Variants in RHOU observed in about 807,000 individuals in gnomAD.
The protein encoded by RHOU is rho-related GTP-binding protein RhoU.
RHOU carries 8 observed loss-of-function variants against 12.6 expected under a neutral mutation model. The ratio of observed to expected loss-of-function variants is 0.64; its 90% CI spans 0.37 to 1.15. RHOU has a LOEUF of 1.15. Ranked by LOEUF, RHOU falls within the 50% of genes most tolerant of loss-of-function variation. The pLI, the probability that RHOU is intolerant of heterozygous loss-of-function variation, is 0.01. For missense variants in RHOU, 258 were observed against 347.0 expected, an observed-to-expected ratio of 0.74 and a Z score of 2.04; for synonymous variants, 161 against 147.4, an observed-to-expected ratio of 1.09 and a Z score of -0.67.
chr1:228,736,086 G>A, intron 1 of RHOU, 82 bp downstream of exon 1: 1 of 1,405,920 alleles, frequency 7.1e-7, no homozygotes, highest in Non-Finnish European at 9.5e-7. Context: ...GGGTCGCGAG[G>A]TTCCCAAGGG....
chr1:228,700,242 T>C, the RHOU span, among the ~76,000 whole-genome samples: 80 of 152,362 alleles, frequency 5.3e-4, no homozygotes, highest in African/African-American at 1.9e-3. Context: ...TAATTTGACT[T>C]GAACAATGGA....
the RHOU span, among the ~76,000 whole-genome samples, chr1:228,729,605 G>A: frequency 6.6e-6 from 1 of 152,152 alleles, no homozygotes; most frequent in Non-Finnish European, 1.5e-5. Context: ...CACTTGAAAG[G>A]GAGCTGCCTT....
chr1:228,658,374 G>A, the RHOU span, among the ~76,000 whole-genome samples: 1 of 151,634 alleles, frequency 6.6e-6, no homozygotes, highest in African/African-American at 2.4e-5. Context: ...CGAAATTAGA[G>A]CCCTTATAAA....
At chr1:228,694,917 C>T in the RHOU span, among the ~76,000 whole-genome samples, 366 of 152,178 alleles carry the variant, frequency 2.4e-3, no homozygotes, top group African/African-American at 8.5e-3. Flanking sequence ...TTTACACCTC[C>T]AAGATCATGT....
chr1:228,734,363 A>T (rs935769449), upstream of RHOU, among the ~76,000 whole-genome samples: 2 of 152,258 alleles, frequency 1.3e-5, no homozygotes, highest in Admixed American at 6.5e-5. Context: ...TACGTTTATC[A>T]TACTGACTTA....
chr1:228,707,126 A>ATATATATG, the RHOU span, among the ~76,000 whole-genome samples: 43 of 75,388 alleles, frequency 5.7e-4, no homozygotes, highest in African/African-American at 5.8e-3. Context: ...ATATATATAT[A>ATATATATG]CATATATATA....
chr1:228,687,739 A>G, the RHOU span: 5 of 1,432,436 alleles, frequency 3.5e-6, no homozygotes, highest in South Asian at 4.6e-5. Context: ...CACGTGACCA[A>G]CTTGTGCAAG....
At chr1:228,688,467 T>C in the RHOU span, among the ~76,000 whole-genome samples, 6 of 152,078 alleles carry the variant, frequency 3.9e-5, no homozygotes, top group Non-Finnish European at 8.8e-5. Flanking sequence ...GGGTTGCAAA[T>C]CTCCCATTTT....
At chr1:228,688,137 T>C in the RHOU span, among the ~76,000 whole-genome samples, 1 of 152,178 alleles carries the variant, frequency 6.6e-6, no homozygotes, top group Non-Finnish European at 1.5e-5. Context: ...AGTGCCTGGT[T>C]AACAGTACAT....
chr1:228,647,643 G>C, the RHOU span, among the ~76,000 whole-genome samples: 3 of 152,186 alleles, frequency 2.0e-5, no homozygotes, highest in African/African-American at 7.2e-5. Flanking sequence ...ATCCGGGAGC[G>C]GGAAGGCACC....
the RHOU span, among the ~76,000 whole-genome samples, chr1:228,729,636 G>A: frequency 1.3e-5 from 2 of 152,198 alleles, no homozygotes; most frequent in Admixed American, 6.5e-5. Context: ...TAAATCTGCT[G>A]TGAATTTTGC....
chr1:228,661,900 G>T, the RHOU span, among the ~76,000 whole-genome samples: 1 of 152,128 alleles, frequency 6.6e-6, no homozygotes, highest in African/African-American at 2.4e-5. Context: ...GTAATCTACA[G>T]AATGGGAGAA....
the RHOU span, among the ~76,000 whole-genome samples, chr1:228,657,279 C>CAAAAAAAAAAAAAAAAAAAAAAGAAA: frequency 3.6e-5 from 1 of 28,032 alleles, no homozygotes; most frequent in African/African-American, 1.4e-4. Context: ...AACTCCATCT[C>CAAAAAAAAAAAAAAAAAAAAAAGAAA]AAAAAAAAAA....
the RHOU span, among the ~76,000 whole-genome samples, chr1:228,703,212 GA>G: frequency 6.6e-6 from 1 of 152,130 alleles, no homozygotes. Flanking sequence ...ATTTCTTTTA[GA>G]GATATAAATT....
At chr1:228,698,970 G>T in the RHOU span, among the ~76,000 whole-genome samples, 1 of 152,068 alleles carries the variant, frequency 6.6e-6, no homozygotes, top group Non-Finnish European at 1.5e-5. Flanking sequence ...GAAAAGTTTT[G>T]TTGTAGTGTG....
At chr1:228,675,019 G>T in the RHOU span, among the ~76,000 whole-genome samples, 1 of 151,938 alleles carries the variant, frequency 6.6e-6, no homozygotes. Flanking sequence ...GTGAGCCACC[G>T]TGCCTGGCCT....
the RHOU span, among the ~76,000 whole-genome samples, chr1:228,670,069 A>G: frequency 6.6e-6 from 1 of 152,238 alleles, no homozygotes; most frequent in Non-Finnish European, 1.5e-5. Flanking sequence ...AGTTGCTGCT[A>G]CTAAGAATCT....
Position 228,737,602 on chromosome 1 carries a change from G to GCTAAAA in RHOU, c.263-67_263-62dup. 1 of 1,416,164 alleles carries GCTAAAA rather than the reference G, an allele frequency of 7.1e-7. No homozygotes were observed. The highest frequency in any genetic ancestry group is 1.0e-6 in the Non-Finnish European group (1 of 1,000,354). 87.7% of individuals were successfully genotyped at this position (1,416,164 alleles called of 1,614,324 possible). ...GTTTGGAGTGAGAATGATAGTGAAA[G>GCTAAAA]CTAAAACTATTAGTATTCCGAAAGG... On this transcript the variant is annotated intron_variant, in intron 1 of 2. Coordinates refer to ENST00000366691, the MANE Select transcript of RHOU (RefSeq NM_021205.6). The surrounding 1 kb of genome is among the most constrained non-coding windows in gnomAD (Gnocchi z 4.1).
At chr1:228,724,016 C>G in the RHOU span, among the ~76,000 whole-genome samples, 1 of 152,106 alleles carries the variant, frequency 6.6e-6, no homozygotes, top group African/African-American at 2.4e-5. Flanking sequence ...CTGCATGAGG[C>G]CTTCCATGTG....
Sources: allele counts gnomAD v4.1 joint callset (sites outside exome capture counted in the v4.1 genomes callset), GRCh38; gene constraint gnomAD v4.1.1; non-coding constraint Gnocchi (gnomAD v3.1); transcripts MANE v1.5; gene names NCBI Gene and HGNC (gene_info 2026-07-23, HGNC 2026-07-21).